Variants in DNAAF9 observed in about 807,000 individuals in gnomAD.
The protein encoded by DNAAF9 is dynein axonemal assembly factor 9.
In DNAAF9, 90 loss-of-function variants were observed where a neutral mutation model predicts 167.0. The ratio of observed to expected loss-of-function variants is 0.54; its 90% CI spans 0.45 to 0.64. The LOEUF is 0.64. Ranked by LOEUF, DNAAF9 falls within the 30% of genes least tolerant of loss-of-function variation. DNAAF9 has a pLI of 0.00. For synonymous variants in DNAAF9, 491 were observed against 508.8 expected, an observed-to-expected ratio of 0.96 and a Z score of 0.47; for missense variants, 1,315 against 1,442.2, an observed-to-expected ratio of 0.91 and a Z score of 1.43.
intron 6 of DNAAF9, among the ~76,000 whole-genome samples, chr20:3,372,805 A>G (rs866332400): frequency 1.3e-5 from 2 of 148,302 alleles, no homozygotes; most frequent in East Asian, 3.9e-4. Flanking sequence ...TACCTACCTC[A>G]GAGGGTTACT....
chr20:3,289,552 C>A (rs1260087562), intron 26 of DNAAF9, among the ~76,000 whole-genome samples: 1 of 152,150 alleles, frequency 6.6e-6, no homozygotes, highest in Non-Finnish European at 1.5e-5. Flanking sequence ...CAGGGTCTCA[C>A]TCTGTTGCCC....
intron 20 of DNAAF9, among the ~76,000 whole-genome samples, chr20:3,308,065 T>C (rs543977997): frequency 5.3e-5 from 8 of 151,908 alleles, no homozygotes; most frequent in Non-Finnish European, 8.8e-5. Flanking sequence ...ACTAGCACCG[T>C]TGAAACCCCC....
intron 9 of DNAAF9, 109 bp from the exon 10 acceptor site, chr20:3,340,748 A>G (rs1250183987): frequency 3.0e-6 from 3 of 992,664 alleles, no homozygotes; most frequent in Non-Finnish European, 3.1e-6. Context: ...TTGCGGCCTG[A>G]GCAAAGTGGT....
At chr20:3,290,780 G>A (rs1481163970) in intron 25 of DNAAF9, among the ~76,000 whole-genome samples, 1 of 146,526 alleles carries the variant, frequency 6.8e-6, no homozygotes, top group African/African-American at 2.6e-5. Context: ...CACGGTCAGG[G>A]CTAAGTCTTT....
intron 6 of DNAAF9, among the ~76,000 whole-genome samples, chr20:3,361,420 G>A (rs1044039614): frequency 6.6e-6 from 1 of 152,102 alleles, no homozygotes; most frequent in Non-Finnish European, 1.5e-5. Context: ...CACAGGCTGC[G>A]ACCTGAAGCC....
In DNAAF9 at chr20:3,259,853, T is replaced by C. The variant is rs549122343; in HGVS notation, c.2980+69A>G. The C allele has an allele frequency of 3.4e-4, 305 of 888,126 alleles. 1 individual carries two copies. The East Asian group carries it at 7.3e-3, about 21-fold the overall frequency. The allele number at this position is 888,126 out of a possible 1,614,324, so 55.0% of individuals were successfully genotyped here. On this transcript the variant is annotated intron_variant, in intron 32 of 36. Coordinates refer to ENST00000252032, the MANE Select transcript of DNAAF9 (RefSeq NM_001009984.3). Reference sequence around the variant, plus strand: ...TACAGCACATAGAATACTGAAATGGTACCAGGAGGCAGAATTAACTCTGGG... The same window carrying C: ...TACAGCACATAGAATACTGAAATGGCACCAGGAGGCAGAATTAACTCTGGG...
At chr20:3,316,454 G>A (rs1378341906) in intron 18 of DNAAF9, among the ~76,000 whole-genome samples, 5 of 152,076 alleles carry the variant, frequency 3.3e-5, no homozygotes, top group Non-Finnish European at 7.4e-5. Context: ...TTTGTAAAAT[G>A]AGGCTCTTAA....
chr20:3,295,594 G>A (rs1180058354), intron 23 of DNAAF9: 2 of 396,698 alleles, frequency 5.0e-6, no homozygotes, highest in Non-Finnish European at 9.9e-6. Flanking sequence ...ATGGTCACAG[G>A]ACTGGGGCAA....
intron 22 of DNAAF9, 23 bp from the exon 23 acceptor site, chr20:3,296,972 AAAG>A (rs1460261051): frequency 7.0e-7 from 1 of 1,426,210 alleles, no homozygotes; most frequent in East Asian, 2.3e-5. Flanking sequence ...GAATTTGAGC[AAAG>A]AACACTTTAA....
rs1388993546 is a variant in DNAAF9, at chr20:3,251,365, G to C, written c.*1207C>G. Reference sequence around the variant, plus strand: ...TGCAAAAAAAAATATGTGAAATTCAGAAAACATTTACAGTTCAGGCAGCTG... The same window carrying C: ...TGCAAAAAAAAATATGTGAAATTCACAAAACATTTACAGTTCAGGCAGCTG... On this transcript the variant is annotated 3_prime_UTR_variant, in exon 37 of 37. Coordinates refer to ENST00000252032, the MANE Select transcript of DNAAF9 (RefSeq NM_001009984.3). 6.6e-6 allele frequency: 1 copy of C among 152,040 alleles called. No homozygotes were observed. Among genetic ancestry groups the C allele is most frequent in the Non-Finnish European group, 1.5e-5 (1 of 68,018 alleles). 9.4% of individuals were successfully genotyped at this position (152,040 alleles called of 1,614,324 possible).
chr20:3,387,929 G>C (rs917652101), intron 1 of DNAAF9, among the ~76,000 whole-genome samples: 3 of 144,056 alleles, frequency 2.1e-5, no homozygotes, highest in African/African-American at 7.8e-5. Flanking sequence ...AGCCGGATGT[G>C]GTAGCATGTG....
rs547327401 is a variant in DNAAF9, at chr20:3,394,471, C to T, written c.84-11965G>A. Reference sequence around the variant, plus strand: ...ATGTAATTAAATCTGTGTATCTTCACCTTTAAGCTTAAGGGTTTTATGTCT... The same window carrying T: ...ATGTAATTAAATCTGTGTATCTTCATCTTTAAGCTTAAGGGTTTTATGTCT... On this transcript the variant is annotated intron_variant, in intron 1 of 36. Coordinates refer to ENST00000252032, the MANE Select transcript of DNAAF9 (RefSeq NM_001009984.3). 6.6e-5 allele frequency among the ~76,000 whole-genome samples: 10 copies of T among 152,276 alleles called. No individual in the cohort carries two copies. In the South Asian group the frequency reaches 1.9e-3, roughly 28 times the overall value.
chr20:3,381,622 G>A, intron 2 of DNAAF9, 124 bp from the exon 3 acceptor site: 2 of 916,000 alleles, frequency 2.2e-6, no homozygotes, highest in Non-Finnish European at 1.6e-6. Flanking sequence ...GACCAGTTTT[G>A]TGCCAGAAAC....
intron 27 of DNAAF9, among the ~76,000 whole-genome samples, chr20:3,282,811 C>G (rs2068785034): frequency 6.6e-6 from 1 of 152,134 alleles, no homozygotes; most frequent in South Asian, 2.1e-4. Context: ...ATGGGTGGTT[C>G]TCTCTCCCTT....
Position 3,407,477 on chromosome 20 carries a change from G to A in DNAAF9, c.81C>T (p.Val27=). The A allele has an allele frequency of 7.6e-7, 1 of 1,309,794 alleles. No individual in the cohort carries two copies. Among genetic ancestry groups the A allele is most frequent in the South Asian group, 2.2e-5 (1 of 44,994 alleles). 81.1% of individuals were successfully genotyped at this position (1,309,794 alleles called of 1,614,324 possible). A position where few individuals can be genotyped will look rare whatever the true frequency, so the allele number is the denominator to read the frequency against. ...PGGSSRGSPS[V]SCSRLRQVQS... ...TCGGCTGCCTCTGCCCCGCGTACCT[G>A]ACGGAGGGTGACCCGCGGCTGGAGC... The change falls in exon 1 of 37, where the codon GTC becomes GTT. Residue 27 remains valine (V), a splice_region_variant and synonymous_variant. Coordinates refer to ENST00000252032, the MANE Select transcript of DNAAF9 (RefSeq NM_001009984.3).
intron 10 of DNAAF9, among the ~76,000 whole-genome samples, chr20:3,337,271 T>G (rs1411687128): frequency 2.6e-5 from 4 of 151,274 alleles, no homozygotes; most frequent in Admixed American, 1.3e-4. Context: ...TGAAGTTGTT[T>G]TTTTTTTTTT....
chr20:3,348,976 T>C (rs374016266), intron 7 of DNAAF9, among the ~76,000 whole-genome samples: 5 of 152,202 alleles, frequency 3.3e-5, no homozygotes, highest in African/African-American at 7.2e-5. Flanking sequence ...GAAAATGTTC[T>C]CTGTAAATTC....
rs766072728 is a variant in DNAAF9 at position 3,330,688 on chromosome 20, A to G, written c.1064-6T>C. On this transcript the variant is annotated splice_region_variant and splice_polypyrimidine_tract_variant and intron_variant, in intron 11 of 36. Transcript: ENST00000252032. ...GGGCAGCTTGCTGTCACCACCTGTG[A>G]AAGAGGCCCACTAAGAATGTGACAA... 21 of 1,576,560 alleles carry G rather than the reference A, an allele frequency of 1.3e-5. No individual in the cohort carries two copies. Among genetic ancestry groups the G allele is most frequent in the Non-Finnish European group, 1.7e-5 (20 of 1,148,240 alleles).
chr20:3,332,455 T>C (rs956062842), intron 10 of DNAAF9, 94 bp from the exon 11 acceptor site: 2 of 650,290 alleles, frequency 3.1e-6, no homozygotes, highest in African/African-American at 3.7e-5. Flanking sequence ...GGAAATAAAT[T>C]TTCTTTTTTT....
Sources: gnomAD v4.1 joint callset for allele counts (sites outside exome capture counted in the v4.1 genomes callset) on GRCh38, gnomAD v4.1.1 for gene constraint, MANE v1.5 for transcripts, NCBI Gene and HGNC (gene_info 2026-07-23, HGNC 2026-07-21) for gene names.